Variants in EIF2AK4 observed in about 807,000 individuals in gnomAD.
EIF2AK4 encodes the protein eIF-2-alpha kinase GCN2.
In EIF2AK4, 139 loss-of-function variants were observed where a neutral mutation model predicts 211.1. The ratio of observed to expected loss-of-function variants is 0.66; its 90% CI spans 0.57 to 0.76. The LOEUF (loss-of-function observed/expected upper bound fraction) is 0.76, where lower values mean the gene tolerates loss of function less well. Among genes scored for constraint, EIF2AK4 ranks in the 30% least tolerant of loss-of-function variants. EIF2AK4 has a pLI of 0.00. For missense variants in EIF2AK4, 1,664 were observed against 2,043.8 expected (o/e 0.81, Z 3.58); for synonymous variants, 710 against 751.3 (o/e 0.94, Z 0.90).
Position 40,035,149 on chromosome 15 carries a change from T to A in EIF2AK4, c.*65T>A. 5.9e-6 allele frequency: 7 copies of A among 1,176,946 alleles called. No individual in the cohort carries two copies. Among genetic ancestry groups the A allele is most frequent in the East Asian group, 2.5e-5 (1 of 39,974 alleles). The allele number at this position is 1,176,946 out of a possible 1,614,324, so 72.9% of individuals were successfully genotyped here. A position where few individuals can be genotyped will look rare whatever the true frequency, so the allele number is the denominator to read the frequency against. ...GGCTTATACTGGAATAATGGAATGT[T>A]GTACATTCATCATAATTTAAAATTA... On this transcript the variant is annotated 3_prime_UTR_variant, in exon 39 of 39. Transcript: ENST00000263791.
At position 40,035,162 on chromosome 15, in the gene EIF2AK4, T is replaced by C; in HGVS notation, c.*78T>C. The C allele has an allele frequency of 8.7e-7, 1 of 1,145,738 alleles. No individual in the cohort carries two copies. 71.0% of individuals were successfully genotyped at this position (1,145,738 alleles called of 1,614,324 possible). A position where few individuals can be genotyped will look rare whatever the true frequency, so the allele number is the denominator to read the frequency against. ...ATAATGGAATGTTGTACATTCATCA[T>C]AATTTAAAATTAAATTCTAAGAAGA... On this transcript the variant is annotated 3_prime_UTR_variant, in exon 39 of 39. Transcript: ENST00000263791.
intron 13 of EIF2AK4, among the ~76,000 whole-genome samples, chr15:39,983,733 C>T (rs138522495): frequency 0.013 from 1,931 of 152,288 alleles, 49 homozygotes; most frequent in African/African-American, 0.044. Context: ...TGAGCCACCG[C>T]GCCCGGCCTG....
chr15:39,958,476 T>A (rs10518676), intron 6 of EIF2AK4, among the ~76,000 whole-genome samples: 52,387 of 151,940 alleles, frequency 0.34, 9,103 homozygotes, highest in Middle Eastern at 0.37. Context: ...AGACATGGGA[T>A]TCTCTCTGCT....
At chr15:39,939,796 T>G (rs959993132) in intron 2 of EIF2AK4, among the ~76,000 whole-genome samples, 179 bp downstream of exon 2, 1 of 152,272 alleles carries the variant, frequency 6.6e-6, no homozygotes, top group Non-Finnish European at 1.5e-5. Flanking sequence ...TGTCTCATTT[T>G]AAGCCTGTTC....
intron 9 of EIF2AK4, among the ~76,000 whole-genome samples, chr15:39,969,374 T>TG (rs1271560679): frequency 7.1e-6 from 1 of 139,970 alleles, no homozygotes; most frequent in African/African-American, 2.6e-5. Flanking sequence ...TTTTTTTTTT[T>TG]TTTTGAGATG....
chr15:40,017,003 A>G, intron 28 of EIF2AK4, 105 bp from the exon 29 acceptor site: 1 of 1,432,232 alleles, frequency 7.0e-7, no homozygotes, highest in South Asian at 1.3e-5. Context: ...TTTATGCTAA[A>G]TAGATTGTTC....
At chr15:39,981,689 T>C (rs928384738) in intron 13 of EIF2AK4, among the ~76,000 whole-genome samples, 11 of 152,012 alleles carry the variant, frequency 7.2e-5, no homozygotes, top group African/African-American at 2.7e-4. Flanking sequence ...AATGGTCAAA[T>C]ACTAACTAAT....
Position 39,973,754 on chromosome 15 carries a change from G to C in EIF2AK4, c.1818+5G>C. ...GCTTTTGGAGCTGTCATCAAGGTGT[G>C]GTACAGAGTCATTCCCAGTCCCCTT... On this transcript the variant is annotated splice_donor_5th_base_variant and intron_variant, in intron 11 of 38. Coordinates refer to ENST00000263791, the MANE Select transcript of EIF2AK4 (RefSeq NM_001013703.4). The C allele has an allele frequency of 6.2e-7, 1 of 1,613,914 alleles. No individual in the cohort carries two copies. Among genetic ancestry groups the C allele is most frequent in the Non-Finnish European group, 8.5e-7 (1 of 1,179,880 alleles).
At chr15:40,009,592 G>T (rs1005393606) in intron 25 of EIF2AK4, 22 bp from the exon 26 acceptor site, 6 of 1,474,312 alleles carry the variant, frequency 4.1e-6, no homozygotes, top group Non-Finnish European at 5.6e-6. Context: ...AATGAAAATA[G>T]TAATTTTTCT....
intron 4 of EIF2AK4, 21 bp downstream of exon 4, chr15:39,949,289 T>G: frequency 6.2e-7 from 1 of 1,612,210 alleles, no homozygotes; most frequent in Non-Finnish European, 8.5e-7. Context: ...CTTGTCGATG[T>G]CTGTGTGCAT....
intron 37 of EIF2AK4, among the ~76,000 whole-genome samples, chr15:40,033,764 C>T (rs900601711): frequency 6.6e-6 from 1 of 152,176 alleles, no homozygotes; most frequent in Admixed American, 6.5e-5. Context: ...CAGTGGCTCA[C>T]GCCTGTAATC....
Position 39,934,225 on chromosome 15 carries a change from C to T in EIF2AK4, c.30C>T (p.Arg10=). Reference sequence around the variant, plus strand: ...CTGGGGGCCGTGGGGCCCCCGGGCGCGGCCGGGACGAGCCTCCGGAGAGCT... The same window carrying T: ...CTGGGGGCCGTGGGGCCCCCGGGCGTGGCCGGGACGAGCCTCCGGAGAGCT... MAGGRGAPG[R]GRDEPPESYP... is the part of the protein sequence containing the mutation. Residue 10 remains arginine, a synonymous_variant, in exon 1 of 39, where the codon CGC becomes CGT. Coordinates refer to ENST00000263791, the MANE Select transcript of EIF2AK4 (RefSeq NM_001013703.4). 6.3e-7 allele frequency: 1 copy of T among 1,594,328 alleles called. No homozygotes were observed. The highest frequency in any genetic ancestry group is 8.5e-7 in the Non-Finnish European group (1 of 1,171,562).
chr15:40,032,152 A>T lies in EIF2AK4; in HGVS notation c.4660-17A>T, dbSNP rs767521118. On this transcript the variant is annotated splice_polypyrimidine_tract_variant and intron_variant, in intron 35 of 38. Coordinates refer to ENST00000263791, the MANE Select transcript of EIF2AK4 (RefSeq NM_001013703.4). ...CTTGGTTTAACATGTTCTGAATTCCATTTTCTTACTATTTAGGTACAAACT... is the reference window on the plus strand; with the variant it reads ...CTTGGTTTAACATGTTCTGAATTCCTTTTTCTTACTATTTAGGTACAAACT... 1.2e-6 allele frequency: 2 copies of T among 1,606,302 alleles called. No individual in the cohort carries two copies. Among genetic ancestry groups the T allele is most frequent in the Non-Finnish European group, 1.7e-6 (2 of 1,172,926 alleles).
At chr15:39,992,398 T>G in intron 17 of EIF2AK4, 169 bp downstream of exon 17, 1 of 564,440 alleles carries the variant, frequency 1.8e-6, no homozygotes, top group Non-Finnish European at 3.0e-6. Flanking sequence ...TTTCAATTTA[T>G]GAATTATTCT....
chr15:40,014,575 G>A (rs1011540602), intron 27 of EIF2AK4, among the ~76,000 whole-genome samples: 13 of 152,362 alleles, frequency 8.5e-5, no homozygotes, highest in African/African-American at 3.1e-4. Context: ...ACATAGAGGA[G>A]GGGGGCCCTG....
At chr15:40,022,799 T>C (rs1567008660) in intron 32 of EIF2AK4, among the ~76,000 whole-genome samples, 194 bp downstream of exon 32, 1 of 152,050 alleles carries the variant, frequency 6.6e-6, no homozygotes, top group Non-Finnish European at 1.5e-5. Flanking sequence ...AATGACGCAA[T>C]CTCGGCTCAC....
At position 40,019,053 on chromosome 15, in the gene EIF2AK4, T is replaced by C; in HGVS notation, c.4066-40T>C. ...TGTTTTCCCCGTAATCACAGTTTCT[T>C]TCCTATTTCATAACCATAACTGTTT... On this transcript the variant is annotated intron_variant, in intron 29 of 38. Coordinates refer to ENST00000263791, the MANE Select transcript of EIF2AK4 (RefSeq NM_001013703.4). 2.8e-6 allele frequency: 4 copies of C among 1,442,398 alleles called. No homozygotes were observed. The South Asian group carries it at 4.9e-5, about 18-fold the overall frequency. The allele number at this position is 1,442,398 out of a possible 1,614,324, so 89.3% of individuals were successfully genotyped here.
At chr15:40,009,856 C>T (rs953675144) in intron 26 of EIF2AK4, 126 bp downstream of exon 26, 1 of 688,276 alleles carries the variant, frequency 1.5e-6, no homozygotes, top group Non-Finnish European at 2.5e-6. Context: ...TATCTCCTTC[C>T]TTCATTGCTC....
At chr15:39,951,489 C>A in intron 4 of EIF2AK4, 1 of 408,868 alleles carries the variant, frequency 2.4e-6, no homozygotes, top group South Asian at 1.8e-5. Context: ...CCAGATAGGC[C>A]TCACTTGCCT....
Sources: gnomAD v4.1 joint callset for allele counts (sites outside exome capture counted in the v4.1 genomes callset) on GRCh38, gnomAD v4.1.1 for gene constraint, MANE v1.5 for transcripts, NCBI Gene and HGNC (gene_info 2026-07-23, HGNC 2026-07-21) for gene names.